The following MEI4 variants were observed in gnomAD, a reference collection of about 807,000 sequenced individuals.
MEI4 encodes the protein meiosis-specific protein MEI4.
A neutral mutation model predicts 31.4 loss-of-function variants in MEI4; 27 were observed. The ratio of observed to expected loss-of-function variants is 0.86; its 90% CI spans 0.63 to 1.19. The LOEUF is 1.19. Among genes scored for constraint, MEI4 ranks in the 50% most tolerant of loss-of-function variants. MEI4 has a pLI of 0.00. For missense variants in MEI4, 329 were observed against 398.9 expected, an observed-to-expected ratio of 0.82 and a Z score of 1.49; for synonymous variants, 122 against 145.4, an observed-to-expected ratio of 0.84 and a Z score of 1.16.
At chr6:77,695,630 T>A (rs981653606) in intron 2 of MEI4, among the ~76,000 whole-genome samples, 5 of 152,212 alleles carry the variant, frequency 3.3e-5, no homozygotes, top group Admixed American at 3.3e-4. Flanking sequence ...TATATCTCTG[T>A]TTTGGTACCA....
intron 2 of MEI4, among the ~76,000 whole-genome samples, chr6:77,694,623 T>C (rs1765967776): frequency 6.6e-6 from 1 of 152,150 alleles, no homozygotes; most frequent in Admixed American, 6.5e-5. Flanking sequence ...TAGTATTCCA[T>C]GGTGTATATG....
chr6:77,799,818 A>G (rs1454563079), intron 3 of MEI4, among the ~76,000 whole-genome samples: 1 of 151,998 alleles, frequency 6.6e-6, no homozygotes, highest in Non-Finnish European at 1.5e-5. Context: ...ATGCAGTGTT[A>G]TTTCTGAGGG....
chr6:77,698,278 A>T (rs1169681959), intron 2 of MEI4, among the ~76,000 whole-genome samples: 1 of 152,114 alleles, frequency 6.6e-6, no homozygotes, highest in African/African-American at 2.4e-5. Context: ...TTTAAAGTTA[A>T]TATTGTTATG....
At position 77,830,616 on chromosome 6, in the gene MEI4, T is replaced by C. The variant is rs190223561; in HGVS notation, c.900+1554T>C. 1.0e-3 allele frequency among the ~76,000 whole-genome samples: 152 copies of C among 152,240 alleles called. 1 individual carries two copies. Among genetic ancestry groups the C allele is most frequent in the Middle Eastern group, 6.8e-3 (2 of 294 alleles). ...CAGGCAGGTTTATGTTGTTGAATTC[T>C]GTTTGCTTGTATTTTGCTAAGGAGT... On this transcript the variant is annotated intron_variant, in intron 4 of 4. Transcript: ENST00000684080.
chr6:77,811,113 A>G (rs975391266), intron 3 of MEI4, among the ~76,000 whole-genome samples: 3 of 152,230 alleles, frequency 2.0e-5, no homozygotes, highest in Admixed American at 6.5e-5. Flanking sequence ...GATGATCTCC[A>G]GTATTAGAAA....
chr6:77,850,164 C>G (rs963288259), intron 4 of MEI4, among the ~76,000 whole-genome samples: 2 of 152,056 alleles, frequency 1.3e-5, no homozygotes, highest in Non-Finnish European at 2.9e-5. Context: ...TGAAGAGGTC[C>G]TTCACATCCC....
chr6:77,801,047 G>A (rs545280461), intron 3 of MEI4, among the ~76,000 whole-genome samples: 1 of 152,118 alleles, frequency 6.6e-6, no homozygotes, highest in Non-Finnish European at 1.5e-5. Context: ...CTATTGATTG[G>A]AATAATTTCA....
intron 4 of MEI4, among the ~76,000 whole-genome samples, chr6:77,904,861 CA>C (rs1766259292): frequency 6.6e-6 from 1 of 152,092 alleles, no homozygotes; most frequent in South Asian, 2.1e-4. Flanking sequence ...TACCCTTGAA[CA>C]GATTATTTTA....
At chr6:77,747,922 C>G (rs1425585784) in intron 2 of MEI4, among the ~76,000 whole-genome samples, 1 of 152,208 alleles carries the variant, frequency 6.6e-6, no homozygotes, top group Non-Finnish European at 1.5e-5. Context: ...GAGAAATTGA[C>G]CAAAACAAAG....
At chr6:77,675,555 AG>A (rs1486062817) in intron 1 of MEI4, among the ~76,000 whole-genome samples, 1 of 151,134 alleles carries the variant, frequency 6.6e-6, no homozygotes, top group Non-Finnish European at 1.5e-5. Flanking sequence ...TTTAAAAAAA[AG>A]GTTGAGTCAA....
At chr6:77,784,518 C>G (rs566502557) in intron 3 of MEI4, among the ~76,000 whole-genome samples, 2 of 152,186 alleles carry the variant, frequency 1.3e-5, no homozygotes, top group East Asian at 3.9e-4. Flanking sequence ...CATTTCAAGT[C>G]TATGAACATG....
At chr6:77,747,758 A>T (rs923543726) in intron 2 of MEI4, among the ~76,000 whole-genome samples, 1 of 152,202 alleles carries the variant, frequency 6.6e-6, no homozygotes, top group Non-Finnish European at 1.5e-5. Flanking sequence ...GTCTTAACCC[A>T]TTTTAGCATT....
At chr6:77,671,970 C>T (rs562544997) in intron 1 of MEI4, among the ~76,000 whole-genome samples, 35 of 152,158 alleles carry the variant, frequency 2.3e-4, no homozygotes, top group Non-Finnish European at 4.1e-4. Context: ...GATTACTGGG[C>T]GTGTAGGGAG....
At chr6:77,900,908 C>T (rs1766175243) in intron 4 of MEI4, among the ~76,000 whole-genome samples, 1 of 151,870 alleles carries the variant, frequency 6.6e-6, no homozygotes, top group South Asian at 2.1e-4. Context: ...ATTTTAGTCT[C>T]TGCTACTATG....
At chr6:77,710,842 T>G (rs1766447725) in intron 2 of MEI4, among the ~76,000 whole-genome samples, 1 of 152,202 alleles carries the variant, frequency 6.6e-6, no homozygotes. Flanking sequence ...CAACTGAGAT[T>G]GAGAACCACT....
intron 4 of MEI4, among the ~76,000 whole-genome samples, chr6:77,886,441 T>TTC (rs1771621068): frequency 6.6e-6 from 1 of 152,158 alleles, no homozygotes; most frequent in Non-Finnish European, 1.5e-5. Flanking sequence ...TTTTGTTTTT[T>TTC]TTTTTATGAG....
chr6:77,782,210 A>G (rs1157881226), intron 3 of MEI4, among the ~76,000 whole-genome samples: 1 of 152,090 alleles, frequency 6.6e-6, no homozygotes, highest in Non-Finnish European at 1.5e-5. Context: ...GGATTAAGGG[A>G]GGGATGAGAG....
At chr6:77,880,022 C>A (rs1335342706) in intron 4 of MEI4, among the ~76,000 whole-genome samples, 1 of 152,144 alleles carries the variant, frequency 6.6e-6, no homozygotes, top group African/African-American at 2.4e-5. Flanking sequence ...ACAGAAAAGT[C>A]ACTGAGAAGC....
chr6:77,872,213 G>C (rs1487523668), intron 4 of MEI4, among the ~76,000 whole-genome samples: 10 of 152,084 alleles, frequency 6.6e-5, no homozygotes, highest in Admixed American at 6.5e-4. Context: ...ATTTTTGCTG[G>C]AAGAAATGTG....
Sources: allele counts gnomAD v4.1 joint callset (sites outside exome capture counted in the v4.1 genomes callset), GRCh38; gene constraint gnomAD v4.1.1; transcripts MANE v1.5; gene names NCBI Gene and HGNC (gene_info 2026-07-23, HGNC 2026-07-21).